ADAM23: variants seen among roughly 807,000 people sequenced by gnomAD.
ADAM23 encodes the protein disintegrin and metalloproteinase domain-containing protein 23.
In ADAM23, 33 loss-of-function variants were observed where a neutral mutation model predicts 120.1. That is an observed-to-expected ratio of 0.27 (90% CI 0.21 to 0.37). The LOEUF (loss-of-function observed/expected upper bound fraction) is 0.37, where lower values mean the gene tolerates loss of function less well. ADAM23 is among the 10% of genes least tolerant of loss of function. The probability of loss-of-function intolerance (pLI) is 1.00; values close to 1 mark genes in which losing one functional copy is unlikely to be tolerated. For missense variants in ADAM23, 862 were observed against 1,058.2 expected (o/e 0.81, Z 2.57); for synonymous variants, 367 against 375.2 (o/e 0.98, Z 0.25).
chr2:206,565,457 C>T (rs921259775), intron 14 of ADAM23, among the ~76,000 whole-genome samples: 7 of 152,198 alleles, frequency 4.6e-5, no homozygotes, highest in South Asian at 2.1e-4. Context: ...TATATGTTTA[C>T]GGTAATAAAA....
intron 3 of ADAM23, among the ~76,000 whole-genome samples, chr2:206,528,848 T>A (rs1696992456): frequency 6.6e-6 from 1 of 152,180 alleles, no homozygotes; most frequent in South Asian, 2.1e-4. Context: ...ACAGCTGGCT[T>A]AGAGTGGGAC....
At position 206,588,163 on chromosome 2, in the gene ADAM23, C is replaced by T. The variant is rs111982848; in HGVS notation, c.1852+9C>T. Reference sequence around the variant, plus strand: ...GTACATCTGGGGAACAAGTAGGTCGCACCTCCTTGCTTGGCGGTTACACAT... The same window carrying T: ...GTACATCTGGGGAACAAGTAGGTCGTACCTCCTTGCTTGGCGGTTACACAT... On this transcript the variant is annotated intron_variant, in intron 20 of 25. Coordinates refer to ENST00000264377, the MANE Select transcript of ADAM23 (RefSeq NM_003812.4). 874 of 1,613,736 alleles carry T rather than the reference C, an allele frequency of 5.4e-4. 6 individuals are homozygous for T. The African/African-American group carries it at 8.7e-3, about 16-fold the overall frequency.
intron 3 of ADAM23, among the ~76,000 whole-genome samples, chr2:206,489,645 T>C (rs1478160324): frequency 6.6e-6 from 1 of 152,166 alleles, no homozygotes; most frequent in East Asian, 1.9e-4. Flanking sequence ...TTGATAACCC[T>C]GTGAGGAAGA....
chr2:206,521,334 A>G (rs375631050), intron 3 of ADAM23, among the ~76,000 whole-genome samples: 7 of 151,628 alleles, frequency 4.6e-5, no homozygotes, highest in East Asian at 2.0e-4. Context: ...TGCTCCCTGC[A>G]TGGTAGGTGG....
intron 2 of ADAM23, among the ~76,000 whole-genome samples, chr2:206,447,203 G>A (rs551719362): frequency 3.3e-5 from 5 of 152,256 alleles, no homozygotes; most frequent in African/African-American, 7.2e-5. Context: ...CCTGACTTCC[G>A]TGATAATAAG....
chr2:206,458,131 G>A (rs1695337434), intron 2 of ADAM23, among the ~76,000 whole-genome samples: 1 of 116,038 alleles, frequency 8.6e-6, no homozygotes, highest in Admixed American at 8.4e-5. Context: ...AATGGTTGGA[G>A]GTCAAGTTTC....
At chr2:206,514,966 G>A (rs895305319) in intron 3 of ADAM23, among the ~76,000 whole-genome samples, 2 of 152,202 alleles carry the variant, frequency 1.3e-5, no homozygotes, top group South Asian at 2.1e-4. Flanking sequence ...TACCTTTTAT[G>A]TACACTGGGG....
chr2:206,541,638 T>G (rs1300259058), intron 4 of ADAM23, among the ~76,000 whole-genome samples: 1 of 152,196 alleles, frequency 6.6e-6, no homozygotes, highest in East Asian at 1.9e-4. Context: ...AAGTTAATTT[T>G]TAAAGGTAAG....
At chr2:206,464,413 A>G (rs1454591549) in intron 2 of ADAM23, among the ~76,000 whole-genome samples, 1 of 152,072 alleles carries the variant, frequency 6.6e-6, no homozygotes, top group Non-Finnish European at 1.5e-5. Flanking sequence ...CGTCTCTATT[A>G]AAAATACAAA....
chr2:206,562,349 A>G, intron 13 of ADAM23, 56 bp downstream of exon 13: 1 of 1,208,692 alleles, frequency 8.3e-7, no homozygotes, highest in African/African-American at 1.5e-5. Context: ...TGTATAATGC[A>G]TGTCCAGTCA....
intron 2 of ADAM23, among the ~76,000 whole-genome samples, chr2:206,474,033 A>C (rs907387844): frequency 1.6e-4 from 25 of 151,682 alleles, no homozygotes; most frequent in African/African-American, 6.1e-4. Context: ...AACAAAAAAA[A>C]AAAACCAGAA....
chr2:206,487,918 G>A, intron 3 of ADAM23, among the ~76,000 whole-genome samples: 1 of 152,194 alleles, frequency 6.6e-6, no homozygotes, highest in Non-Finnish European at 1.5e-5. Context: ...CAAAAACTGA[G>A]GAGTAGACCC....
At chr2:206,615,275 A>G (rs1698914384) in intron 25 of ADAM23, among the ~76,000 whole-genome samples, 1 of 152,216 alleles carries the variant, frequency 6.6e-6, no homozygotes, top group South Asian at 2.1e-4. Flanking sequence ...GGATTATGCT[A>G]GTGTTTTATA....
intron 2 of ADAM23, among the ~76,000 whole-genome samples, chr2:206,450,222 A>T (rs1005567198): frequency 6.6e-6 from 1 of 152,210 alleles, no homozygotes; most frequent in Non-Finnish European, 1.5e-5. Flanking sequence ...TTTAAAAATC[A>T]ATAGAAAGTT....
chr2:206,590,656 A>G (rs957223278), intron 21 of ADAM23, among the ~76,000 whole-genome samples: 8 of 152,220 alleles, frequency 5.3e-5, no homozygotes, highest in African/African-American at 1.9e-4. Flanking sequence ...ATGAGGCCAC[A>G]GTAGGCAACA....
intron 2 of ADAM23, among the ~76,000 whole-genome samples, chr2:206,455,294 T>C (rs1222272243): frequency 6.6e-6 from 1 of 152,228 alleles, no homozygotes; most frequent in African/African-American, 2.4e-5. Flanking sequence ...CTTGGCTCTT[T>C]CTAGCCATGG....
intron 3 of ADAM23, among the ~76,000 whole-genome samples, chr2:206,526,578 A>G (rs1280513569): frequency 2.0e-5 from 3 of 152,170 alleles, no homozygotes; most frequent in Non-Finnish European, 4.4e-5. Flanking sequence ...GGGCTTAGAT[A>G]ATCCTGCAGG....
intron 18 of ADAM23, among the ~76,000 whole-genome samples, chr2:206,586,957 A>G (rs1698333281): frequency 6.6e-6 from 1 of 152,192 alleles, no homozygotes. Context: ...AGAGCTGAGC[A>G]ACTTCTTGTA....
chr2:206,571,703 A>G, intron 16 of ADAM23, 24 bp from the exon 17 acceptor site: 1 of 1,584,192 alleles, frequency 6.3e-7, no homozygotes, highest in Non-Finnish European at 8.7e-7. Context: ...CTCTTCGCTT[A>G]CTCACGTGAA....
Sources: allele counts gnomAD v4.1 joint callset (sites outside exome capture counted in the v4.1 genomes callset), GRCh38; gene constraint gnomAD v4.1.1; transcripts MANE v1.5; gene names NCBI Gene and HGNC (gene_info 2026-07-23, HGNC 2026-07-21).